Variants in ATP2B3 observed in about 807,000 individuals in gnomAD.
ATP2B3 encodes the protein ATPase plasma membrane Ca2+ transporting 3, also known as plasma membrane calcium-transporting ATPase 3.
In ATP2B3, 12 loss-of-function variants were observed where a neutral mutation model predicts 70.8. That is an observed-to-expected ratio of 0.17 (90% CI 0.11 to 0.27). The LOEUF is 0.27. Ranked by LOEUF, ATP2B3 falls within the 10% of genes least tolerant of loss-of-function variation. The probability of loss-of-function intolerance (pLI) is 1.00; values close to 1 mark genes in which losing one functional copy is unlikely to be tolerated. For missense variants in ATP2B3, 858 were observed against 1,118.5 expected (o/e 0.77, Z 3.32); for synonymous variants, 460 against 497.8 (o/e 0.92, Z 1.01).
rs2124479747 is a variant in ATP2B3 at position 153,557,003 on chromosome X, G to A, written c.2413G>A (p.Ala805Thr). 1 of 1,184,940 alleles carries A rather than the reference G, an allele frequency of 8.4e-7. No individual in the cohort carries two copies. Among genetic ancestry groups the A allele is most frequent in the East Asian group, 3.1e-5 (1 of 32,125 alleles). Residue 805 changes from alanine to threonine, a missense_variant, in exon 16 of 22, where the codon GCG (alanine) becomes ACG (threonine). Transcript: ENST00000263519. ...CAACGATGGGCCGGCCCTCAAGAAG[G>A]CGGACGTGGGCTTCGCCATGGTAAG... ...GTNDGPALKK[A>T]DVGFAMGIAG...
Position 153,548,629 on chromosome X carries a change from C to A in ATP2B3, c.1124-11C>A. On this transcript the variant is annotated splice_polypyrimidine_tract_variant and intron_variant, in intron 9 of 21. Coordinates refer to ENST00000263519, the MANE Select transcript of ATP2B3 (RefSeq NM_001001344.3). The stretch of plus-strand genomic sequence containing the variant: ...GGCAACCCCTTTCGTCTCCTCCCCG[C>A]TCTGTGGCAGGGCTGGTGATGTCTG... 8.3e-7 allele frequency: 1 copy of A among 1,205,992 alleles called. No homozygotes were observed. The highest frequency in any genetic ancestry group is 1.1e-6 in the Non-Finnish European group (1 of 891,221).
intron 21 of ATP2B3, among the ~76,000 whole-genome samples, chrX:153,575,553 C>T (rs1337023675): frequency 9.0e-6 from 1 of 110,857 alleles, no homozygotes; most frequent in Non-Finnish European, 1.9e-5. Flanking sequence ...GACCAAGACA[C>T]GCTCTGGTTT....
At chrX:153,573,336 C>T (rs1250341806) in intron 21 of ATP2B3, among the ~76,000 whole-genome samples, 1 of 112,559 alleles carries the variant, frequency 8.9e-6, no homozygotes, top group African/African-American at 3.2e-5. Context: ...CACTCCCAGC[C>T]CCGTGGTGGA....
chrX:153,539,454 C>T (rs923052183), intron 3 of ATP2B3, among the ~76,000 whole-genome samples: 13 of 112,660 alleles, frequency 1.2e-4, no homozygotes, highest in African/African-American at 9.7e-5. Flanking sequence ...TGTTCCACTG[C>T]GGCCAGGGCT....
chrX:153,526,291 G>A (rs1183103569), intron 2 of ATP2B3, among the ~76,000 whole-genome samples: 3 of 111,526 alleles, frequency 2.7e-5, no homozygotes, highest in African/African-American at 9.8e-5. Context: ...AAGAGGGTCA[G>A]GAACTGGAGG....
At chrX:153,545,973 C>T (rs1296641827) in intron 7 of ATP2B3, 115 bp from the exon 8 acceptor site, 19 of 782,675 alleles carry the variant, frequency 2.4e-5, no homozygotes, top group South Asian at 1.8e-4. Context: ...CTGGAGAGGA[C>T]GGGGCATGAA....
At chrX:153,535,905 A>G (rs1443705642) in intron 2 of ATP2B3, among the ~76,000 whole-genome samples, 1 of 112,690 alleles carries the variant, frequency 8.9e-6, no homozygotes, top group African/African-American at 3.2e-5. Flanking sequence ...CAAGCCCTCC[A>G]GGTTCTGGGC....
At position 153,582,695 on chromosome X, in the gene ATP2B3, A is replaced by G. The variant is rs2090932587; in HGVS notation, c.*2397A>G. The G allele has an allele frequency of 8.9e-6, 1 of 112,652 alleles. No individual in the cohort carries two copies. Among genetic ancestry groups the G allele is most frequent in the African/African-American group, 3.2e-5 (1 of 30,855 alleles). The allele number at this position is 112,652 out of a possible 1,213,427, so 9.3% of individuals were successfully genotyped here. A position where few individuals can be genotyped will look rare whatever the true frequency, so the allele number is the denominator to read the frequency against. ...TCTTCAAGGCTGGGGGCCCTGTCTC[A>G]TTGGGAAGCCCCTCTTTATAAAGCA... On this transcript the variant is annotated 3_prime_UTR_variant, in exon 22 of 22. Transcript: ENST00000263519.
At chrX:153,527,320 G>A (rs2090049402) in intron 2 of ATP2B3, among the ~76,000 whole-genome samples, 1 of 112,676 alleles carries the variant, frequency 8.9e-6, no homozygotes, top group Non-Finnish European at 1.9e-5. Context: ...AGTCTTTCAC[G>A]CTGGCCACAG....
chrX:153,538,369 C>T (rs918206388), intron 3 of ATP2B3, among the ~76,000 whole-genome samples: 4 of 112,986 alleles, frequency 3.5e-5, no homozygotes, highest in Non-Finnish European at 5.6e-5. Flanking sequence ...TAGTGCATTG[C>T]GGGAAGGGGA....
chrX:153,542,492 G>A (rs782680703), intron 6 of ATP2B3, 44 bp downstream of exon 6: 7 of 1,196,355 alleles, frequency 5.9e-6, no homozygotes, highest in Non-Finnish European at 7.9e-6. Context: ...AGGGGCGTCA[G>A]CAGCCGTGTG....
At position 153,553,090 on chromosome X, in the gene ATP2B3, C is replaced by T. The variant is rs1557012168; in HGVS notation, c.1879C>T (p.Arg627Trp). 3.3e-6 allele frequency: 4 copies of T among 1,208,776 alleles called. No homozygotes were observed. The highest frequency in any genetic ancestry group is 2.3e-4 in the Middle Eastern group (1 of 4,346). ...GELRGFRPRD[R>W]DDMVRKIIEP... ...ACTCCGGGGCTTTCGGCCTCGGGAC[C>T]GGGACGACATGGTGAGGAAGATCAT... The change falls in exon 13 of 22, where the codon CGG becomes TGG. Residue 627 changes from arginine (R) to tryptophan (W), a missense_variant. Arg to Trp is a moderately radical substitution (Grantham distance 101, BLOSUM62 -3). Around this residue, in one of 5 missense-constraint regions of ATP2B3, gnomAD observed 242 missense variants for 281.3 expected, o/e 0.86. Transcript: ENST00000263519.
At chrX:153,553,725 C>G (rs1200367646) in intron 13 of ATP2B3, among the ~76,000 whole-genome samples, 1 of 113,026 alleles carries the variant, frequency 8.8e-6, no homozygotes, top group Non-Finnish European at 1.9e-5. Context: ...AGAAGCATAT[C>G]CCCATATGGA....
intron 21 of ATP2B3, among the ~76,000 whole-genome samples, chrX:153,579,153 G>A (rs1382470636): frequency 2.7e-5 from 3 of 112,782 alleles, no homozygotes; most frequent in South Asian, 3.7e-4. Flanking sequence ...GGCACCCAGG[G>A]ACAGAAGAGA....
At chrX:153,540,188 C>T (rs1393717585) in intron 3 of ATP2B3, among the ~76,000 whole-genome samples, 2 of 112,542 alleles carry the variant, frequency 1.8e-5, no homozygotes, top group Admixed American at 1.9e-4. Flanking sequence ...TTACAGGGCC[C>T]TCTCCACCTC....
chrX:153,573,751 G>A (rs1557020587), intron 21 of ATP2B3, among the ~76,000 whole-genome samples: 1 of 112,765 alleles, frequency 8.9e-6, no homozygotes, highest in African/African-American at 3.2e-5. Context: ...CAAGGGCTCA[G>A]CTGGGCCTTC....
intron 2 of ATP2B3, among the ~76,000 whole-genome samples, chrX:153,520,712 G>T (rs2089947001): frequency 8.9e-6 from 1 of 112,557 alleles, no homozygotes; most frequent in Non-Finnish European, 1.9e-5. Context: ...CAAATCCAGG[G>T]CTGGAATGTA....
chrX:153,557,712 C>T (rs1386194653), intron 16 of ATP2B3, among the ~76,000 whole-genome samples: 5 of 111,681 alleles, frequency 4.5e-5, no homozygotes, highest in African/African-American at 1.6e-4. Flanking sequence ...AGGAGCCGCC[C>T]CGCCCAGGGT....
intron 20 of ATP2B3, among the ~76,000 whole-genome samples, chrX:153,562,906 T>C (rs1457677703): frequency 1.8e-5 from 2 of 112,198 alleles, no homozygotes; most frequent in African/African-American, 6.5e-5. Context: ...GGCTCCTTCC[T>C]GGCTTGCAGA....
Sources: allele counts gnomAD v4.1 joint callset (sites outside exome capture counted in the v4.1 genomes callset), GRCh38; gene constraint gnomAD v4.1.1; regional missense constraint gnomAD v4.1.1; transcripts MANE v1.5; gene names NCBI Gene and HGNC (gene_info 2026-07-23, HGNC 2026-07-21).